ACSM2B: variants seen among roughly 807,000 people sequenced by gnomAD.
ACSM2B encodes the protein acyl-coenzyme A synthetase ACSM2B, mitochondrial.
A neutral mutation model predicts 78.6 loss-of-function variants in ACSM2B; 58 were observed. The observed-to-expected ratio is 0.74, with a 90% confidence interval of 0.60 to 0.92. The LOEUF (loss-of-function observed/expected upper bound fraction) is 0.92. Among genes scored for constraint, ACSM2B ranks in the 40% least tolerant of loss-of-function variants. The probability of loss-of-function intolerance (pLI) is 0.00; values close to 1 mark genes in which losing one functional copy is unlikely to be tolerated. For missense variants in ACSM2B, 688 were observed against 711.2 expected (o/e 0.97, Z 0.37); for synonymous variants, 257 against 256.8 (o/e 1.00, Z -0.01).
At position 20,575,337 on chromosome 16, in the gene ACSM2B, G is replaced by A. The variant is rs181798254; in HGVS notation, c.-9+870C>T. ...CTCATATATATAAGTATATATATGA[G>A]TTTACTAAGTATTAACATATGTATG... On this transcript the variant is annotated intron_variant, in intron 1 of 13. Transcript: ENST00000329697. The A allele has an allele frequency of 1.3e-3, 192 of 151,554 alleles. No homozygotes were observed. The Middle Eastern group carries it at 0.017, about 14-fold the overall frequency. The allele number at this position is 151,554 out of a possible 1,614,324, so 9.4% of individuals were successfully genotyped here.
At chr16:20,547,014 T>C (rs879914087) in intron 8 of ACSM2B, 4 of 733,408 alleles carry the variant, frequency 5.5e-6, no homozygotes, top group Non-Finnish European at 6.9e-6. Context: ...GCTTGAACCC[T>C]GAAATGAACC....
chr16:20,546,565 C>G (rs2015148857), intron 8 of ACSM2B, 91 bp from the exon 9 acceptor site: 1 of 1,489,724 alleles, frequency 6.7e-7, no homozygotes, highest in Non-Finnish European at 9.0e-7. Flanking sequence ...GGTCCTGACA[C>G]TGTCCTGAAC....
chr16:20,565,316 T>C (rs1429314538), intron 1 of ACSM2B, among the ~76,000 whole-genome samples: 2 of 152,180 alleles, frequency 1.3e-5, no homozygotes, highest in East Asian at 1.9e-4. Flanking sequence ...CAATGAGATG[T>C]GAGTGTCTGG....
Position 20,560,110 on chromosome 16 carries a change from TC to T in ACSM2B, c.178-664del, listed in dbSNP as rs1043265717. ...TATGCAACAATCACCACCATCCATC[TC>T]CCGAAGTTTTTCATCATCCAAAACG... On this transcript the variant is annotated intron_variant, in intron 2 of 13. Coordinates refer to ENST00000329697, the MANE Select transcript of ACSM2B (RefSeq NM_001105069.2). Among the ~76,000 whole-genome samples the T allele has an allele frequency of 3.3e-5, 5 of 150,976 alleles. 1 individual carries two copies. The highest frequency in any genetic ancestry group is 1.2e-4 in the African/African-American group (5 of 40,388).
At chr16:20,538,171 T>C (rs1385029819) in intron 13 of ACSM2B, among the ~76,000 whole-genome samples, 1 of 152,180 alleles carries the variant, frequency 6.6e-6, no homozygotes, top group African/African-American at 2.4e-5. Flanking sequence ...ATAATAGGGA[T>C]ACTGAGATGG....
At chr16:20,561,273 T>C (rs2015647180) in intron 2 of ACSM2B, among the ~76,000 whole-genome samples, 1 of 151,674 alleles carries the variant, frequency 6.6e-6, no homozygotes, top group Non-Finnish European at 1.5e-5. Flanking sequence ...GGGTAATTTA[T>C]AAAGAAAAAA....
intron 4 of ACSM2B, 111 bp downstream of exon 4, chr16:20,555,158 C>A: frequency 6.5e-7 from 1 of 1,531,582 alleles, no homozygotes; most frequent in Non-Finnish European, 8.9e-7. Context: ...TTCACTCTTC[C>A]TAGTCCCATG....
At chr16:20,571,950 GTT>G (rs2016103850) in intron 1 of ACSM2B, among the ~76,000 whole-genome samples, 1 of 151,510 alleles carries the variant, frequency 6.6e-6, no homozygotes, top group African/African-American at 2.4e-5. Flanking sequence ...CTTACCTTAA[GTT>G]TATGTGAGTT....
At chr16:20,563,249 G>A (rs937469851) in intron 2 of ACSM2B, among the ~76,000 whole-genome samples, 7 of 152,120 alleles carry the variant, frequency 4.6e-5, no homozygotes, top group African/African-American at 1.7e-4. Flanking sequence ...TTATGAGGGA[G>A]GGTGAGAATT....
rs2015873185 is a variant in ACSM2B at position 20,566,689 on chromosome 16, C to CA, written c.-8-1837_-8-1836insT. Among the ~76,000 whole-genome samples the CA allele has an allele frequency of 9.5e-3, 40 of 4,202 alleles. 2 individuals carry two copies. Among genetic ancestry groups the CA allele is most frequent in the African/African-American group, 0.027 (40 of 1,464 alleles). The allele number at this position is 4,202 out of a possible 152,430, so 2.8% of individuals were successfully genotyped here. A position where few individuals can be genotyped will look rare whatever the true frequency, so the allele number is the denominator to read the frequency against. On this transcript the variant is annotated intron_variant, in intron 1 of 13. Coordinates refer to ENST00000329697, the MANE Select transcript of ACSM2B (RefSeq NM_001105069.2). ...ATATAGTATATACATATAGTATATA[C>CA]TATATATAGTATATATATAGTATAT...
At chr16:20,560,143 C>G (rs1175123563) in intron 2 of ACSM2B, among the ~76,000 whole-genome samples, 1 of 150,992 alleles carries the variant, frequency 6.6e-6, no homozygotes, top group African/African-American at 2.5e-5. Flanking sequence ...AACGAAAACT[C>G]TGTCCCCGTT....
intron 13 of ACSM2B, 118 bp from the exon 14 acceptor site, chr16:20,537,480 G>A (rs62035053): frequency 6.2e-5 from 69 of 1,110,968 alleles, no homozygotes; most frequent in Non-Finnish European, 8.5e-5. Flanking sequence ...CAGGGTAGCC[G>A]CCCTGTGCAA....
intron 9 of ACSM2B, among the ~76,000 whole-genome samples, chr16:20,546,001 A>G (rs1430622395): frequency 3.9e-5 from 6 of 151,984 alleles, no homozygotes; most frequent in African/African-American, 1.4e-4. Flanking sequence ...TTAATACTAT[A>G]TCATCATTAA....
chr16:20,553,549 C>T (rs2015380211), intron 5 of ACSM2B, among the ~76,000 whole-genome samples: 1 of 152,190 alleles, frequency 6.6e-6, no homozygotes, highest in East Asian at 1.9e-4. Context: ...AGGCACATGG[C>T]TTAACACATG....
At chr16:20,574,456 G>C (rs1596744908) in intron 1 of ACSM2B, 1 of 152,008 alleles carries the variant, frequency 6.6e-6, no homozygotes, top group African/African-American at 2.4e-5. Flanking sequence ...AACTATAAGA[G>C]TGTTAATTGG....
intron 10 of ACSM2B, among the ~76,000 whole-genome samples, chr16:20,543,780 A>G (rs189268152): frequency 1.3e-5 from 2 of 152,202 alleles, no homozygotes; most frequent in East Asian, 3.9e-4. Context: ...AAAAGGCTTG[A>G]GCTTTATCCC....
chr16:20,567,423 G>T (rs1323452369), intron 1 of ACSM2B, among the ~76,000 whole-genome samples: 3 of 111,282 alleles, frequency 2.7e-5, no homozygotes, highest in South Asian at 2.5e-4. Flanking sequence ...ATATAATATA[G>T]TATATTAATA....
intron 2 of ACSM2B, among the ~76,000 whole-genome samples, chr16:20,562,314 A>G (rs1302953374): frequency 6.6e-6 from 1 of 152,144 alleles, no homozygotes; most frequent in Non-Finnish European, 1.5e-5. Flanking sequence ...AGTCTCATGT[A>G]TCCTCAGGGG....
Position 20,566,717 on chromosome 16 carries a change from A to ATCT in ACSM2B, c.-8-1865_-8-1864insAGA, listed in dbSNP as rs1567218502. Among the ~76,000 whole-genome samples, 6 of 6,866 alleles carry ATCT rather than the reference A, an allele frequency of 8.7e-4. 2 individuals carry two copies. In the East Asian group the frequency reaches 0.021, roughly 24 times the overall value. The allele number at this position is 6,866 out of a possible 152,430, so 4.5% of individuals were successfully genotyped here. ...TATATAGTATATATATAGTATATAT[A>ATCT]GTATATACTATATATAGTATATACT... On this transcript the variant is annotated intron_variant, in intron 1 of 13. Transcript: ENST00000329697.
Sources: gnomAD v4.1 joint callset for allele counts (sites outside exome capture counted in the v4.1 genomes callset) on GRCh38, gnomAD v4.1.1 for gene constraint, MANE v1.5 for transcripts, NCBI Gene and HGNC (gene_info 2026-07-23, HGNC 2026-07-21) for gene names.